The following NOL4 variants were observed in gnomAD, a reference collection of about 807,000 sequenced individuals.
NOL4 encodes nucleolar protein 4.
NOL4 carries 17 observed loss-of-function variants against 75.9 expected under a neutral mutation model. The observed-to-expected ratio is 0.22, with a 90% confidence interval of 0.15 to 0.34. The LOEUF is 0.34. Ranked by LOEUF, NOL4 falls within the 10% of genes least tolerant of loss-of-function variation. NOL4 has a pLI of 1.00. For synonymous variants in NOL4, 292 were observed against 289.9 expected (o/e 1.01, Z -0.07); for missense variants, 614 against 793.5 (o/e 0.77, Z 2.72).
chr18:34,162,467 C>A (rs1308775101), intron 1 of NOL4, among the ~76,000 whole-genome samples: 1 of 152,156 alleles, frequency 6.6e-6, no homozygotes, highest in Non-Finnish European at 1.5e-5. Flanking sequence ...CACCTCTACG[C>A]AAATAAACTA....
At chr18:34,213,454 T>A (rs11081852) in intron 1 of NOL4, among the ~76,000 whole-genome samples, 23,913 of 152,064 alleles carry the variant, frequency 0.16, 1,966 homozygotes, top group African/African-American at 0.2. Flanking sequence ...CACCCCCAGC[T>A]AATTTTTGTA....
At chr18:33,952,888 C>T (rs1047891211) in intron 8 of NOL4, among the ~76,000 whole-genome samples, 25 of 152,180 alleles carry the variant, frequency 1.6e-4, no homozygotes, top group Non-Finnish European at 3.4e-4. Context: ...CATGCCATTG[C>T]ACTCCAGCCT....
At chr18:34,097,715 C>T (rs1038839484) in intron 4 of NOL4, among the ~76,000 whole-genome samples, 2 of 152,144 alleles carry the variant, frequency 1.3e-5, no homozygotes, top group African/African-American at 4.8e-5. Flanking sequence ...GCATAACTGA[C>T]AATCCTTTGT....
intron 5 of NOL4, among the ~76,000 whole-genome samples, chr18:34,059,060 C>T (rs1367612431): frequency 6.7e-6 from 1 of 148,544 alleles, no homozygotes; most frequent in Admixed American, 6.8e-5. Flanking sequence ...GAAATTCAAA[C>T]CCTTTATCAT....
chr18:34,100,085 C>G (rs1284898769), intron 4 of NOL4, among the ~76,000 whole-genome samples: 4 of 149,514 alleles, frequency 2.7e-5, no homozygotes, highest in African/African-American at 4.9e-5. Flanking sequence ...AACAGCAGAA[C>G]AATTCCATAA....
At chr18:34,222,391 C>CGACT in intron 1 of NOL4, 1 of 1,150,880 alleles carries the variant, frequency 8.7e-7, no homozygotes, top group Non-Finnish European at 1.1e-6. Flanking sequence ...ACAATCTCAA[C>CGACT]AGTCGCGGCA....
intron 6 of NOL4, among the ~76,000 whole-genome samples, chr18:33,988,920 G>A (rs1455569882): frequency 2.0e-5 from 3 of 151,874 alleles, no homozygotes; most frequent in Admixed American, 1.3e-4. Flanking sequence ...TGGCAAGACT[G>A]GGCACAGTGG....
At chr18:34,008,513 G>A (rs1342308192) in intron 6 of NOL4, among the ~76,000 whole-genome samples, 1 of 151,658 alleles carries the variant, frequency 6.6e-6, no homozygotes, top group Non-Finnish European at 1.5e-5. Flanking sequence ...AATATTACAG[G>A]TTAATTTTTA....
chr18:34,073,056 T>A (rs946288263), intron 5 of NOL4, among the ~76,000 whole-genome samples: 1 of 151,882 alleles, frequency 6.6e-6, no homozygotes, highest in Non-Finnish European at 1.5e-5. Context: ...ATGAAGTAAA[T>A]CCTAAGTTAA....
intron 1 of NOL4, chr18:34,222,340 G>T: frequency 3.2e-6 from 4 of 1,243,670 alleles, no homozygotes; most frequent in Non-Finnish European, 4.0e-6. Flanking sequence ...GTGAGGAAGG[G>T]AATGGGGGGG....
chr18:33,871,952 C>T (rs80090032), intron 10 of NOL4, among the ~76,000 whole-genome samples: 379 of 152,072 alleles, frequency 2.5e-3, no homozygotes, highest in African/African-American at 8.1e-3. Context: ...TAATTATATT[C>T]GCAGATAATT....
chr18:33,918,467 A>G (rs2066855489), intron 9 of NOL4, among the ~76,000 whole-genome samples: 1 of 151,944 alleles, frequency 6.6e-6, no homozygotes, highest in Non-Finnish European at 1.5e-5. Context: ...GTATCCTCTC[A>G]AGGGCAAAAC....
At chr18:33,880,552 T>C (rs756507559) in intron 10 of NOL4, among the ~76,000 whole-genome samples, 1 of 152,086 alleles carries the variant, frequency 6.6e-6, no homozygotes, top group Non-Finnish European at 1.5e-5. Flanking sequence ...AGTACAGGCT[T>C]GATCCAGTAC....
At chr18:34,179,269 A>G (rs1287471161) in intron 1 of NOL4, among the ~76,000 whole-genome samples, 3 of 151,474 alleles carry the variant, frequency 2.0e-5, no homozygotes, top group Non-Finnish European at 4.4e-5. Flanking sequence ...ATAACAAAAC[A>G]AACAAAAAAC....
chr18:34,122,693 C>T (rs1433390918), intron 2 of NOL4, among the ~76,000 whole-genome samples: 1 of 152,176 alleles, frequency 6.6e-6, no homozygotes, highest in Non-Finnish European at 1.5e-5. Context: ...ACCATTCTGT[C>T]TCCACAATCT....
intron 6 of NOL4, among the ~76,000 whole-genome samples, chr18:33,998,154 A>G (rs1278198477): frequency 6.6e-6 from 1 of 152,030 alleles, no homozygotes; most frequent in Non-Finnish European, 1.5e-5. Flanking sequence ...GTTAAGGGGT[A>G]TAATGTTTCT....
At position 34,069,565 on chromosome 18, in the gene NOL4, AT is replaced by A. The variant is rs1045235525; in HGVS notation, c.772+23899del. Among the ~76,000 whole-genome samples, 31 of 152,170 alleles carry A rather than the reference AT, an allele frequency of 2.0e-4. No homozygotes were observed. In the East Asian group the frequency reaches 2.3e-3, roughly 11 times the overall value. On this transcript the variant is annotated intron_variant, in intron 5 of 10. Transcript: ENST00000261592. ...AGAAGCTCAACAAACACTAAGCAGA[AT>A]TTTTTTTAATGCATTTAGGCATATC...
intron 1 of NOL4, among the ~76,000 whole-genome samples, chr18:34,164,500 C>T (rs2032034261): frequency 6.6e-6 from 1 of 152,152 alleles, no homozygotes; most frequent in Non-Finnish European, 1.5e-5. Flanking sequence ...AAATGCTCAC[C>T]ATCACTGGCC....
chr18:34,087,891 T>C (rs1263244227), intron 5 of NOL4, among the ~76,000 whole-genome samples: 5 of 152,034 alleles, frequency 3.3e-5, no homozygotes, highest in Admixed American at 2.6e-4. Flanking sequence ...ATATTTAATA[T>C]AGAAATATTT....
Sources: gnomAD v4.1 joint callset for allele counts (sites outside exome capture counted in the v4.1 genomes callset) on GRCh38, gnomAD v4.1.1 for gene constraint, MANE v1.5 for transcripts, NCBI Gene and HGNC (gene_info 2026-07-23, HGNC 2026-07-21) for gene names.